The following FNBP1 variants were observed in gnomAD, a reference collection of about 807,000 sequenced individuals.
FNBP1 encodes the protein formin binding protein 1.
A neutral mutation model predicts 90.6 loss-of-function variants in FNBP1; 26 were observed. That is an observed-to-expected ratio of 0.29 (90% CI 0.21 to 0.40). FNBP1 has a LOEUF of 0.40. FNBP1 is among the 10% of genes least tolerant of loss of function. The pLI is 1.00. For missense variants in FNBP1, 635 were observed against 768.0 expected (o/e 0.83, Z 2.05); for synonymous variants, 260 against 265.2 (o/e 0.98, Z 0.19).
chr9:130,036,376 T>A (rs1003155076), intron 1 of FNBP1, among the ~76,000 whole-genome samples: 2 of 152,244 alleles, frequency 1.3e-5, no homozygotes, highest in African/African-American at 4.8e-5. Context: ...TGAGTTGTAA[T>A]GTGTTCACAT....
At position 129,957,425 on chromosome 9, in the gene FNBP1, T is replaced by C. The variant is rs1261338563; in HGVS notation, c.448A>G (p.Arg150Gly). ...RFERDCKEAD[R>G]AQQYFEKMDA... is the part of the protein sequence containing the mutation. ...ATTTTCTCAAAGTACTGCTGCGCCC[T>C]GTCCGCCTCTTTGCAATCGCGTTCA... Residue 150 changes from arginine to glycine, a missense_variant, in exon 6 of 17, where the codon AGG (arginine) becomes GGG (glycine). Physicochemically the swap from Arg to Gly is moderately radical, Grantham distance 125. Transcript: ENST00000446176. This position sits in a 1 kb window ranked among gnomAD's most constrained non-coding sequence, Gnocchi z 4.3. The C allele has an allele frequency of 2.5e-6, 4 of 1,613,794 alleles. No individual in the cohort carries two copies. Among genetic ancestry groups the C allele is most frequent in the Non-Finnish European group, 8.5e-7 (1 of 1,179,814 alleles).
Position 129,893,612 on chromosome 9 carries a change from CAAAAAAAA to C in FNBP1, c.1846+2218_1846+2225del, listed in dbSNP as rs1216398298. Among the ~76,000 whole-genome samples the C allele has an allele frequency of 6.1e-3, 137 of 22,318 alleles. 1 individual carries two copies. Among genetic ancestry groups the C allele is most frequent in the African/African-American group, 0.022 (130 of 5,940 alleles). 14.6% of individuals were successfully genotyped at this position (22,318 alleles called of 152,430 possible). On this transcript the variant is annotated intron_variant, in intron 16 of 16. Transcript: ENST00000446176. The stretch of plus-strand genomic sequence containing the variant: ...TAGGTGACAGAGTGAGACTCTGTCT[CAAAAAAAA>C]AAAAAAAAAAAAAAAAAGCCAGGCA...
the FNBP1 span, chr9:130,053,670 G>C: frequency 1.9e-6 from 1 of 533,744 alleles, no homozygotes; most frequent in East Asian, 3.4e-5. Flanking sequence ...GGCTGGTCTG[G>C]TTCGGCCACC....
chr9:129,898,926 G>T (rs1018257336), intron 15 of FNBP1, among the ~76,000 whole-genome samples: 30 of 151,992 alleles, frequency 2.0e-4, no homozygotes, highest in African/African-American at 7.0e-4. Flanking sequence ...TGGATGAAAT[G>T]ATCATCCTCC....
intron 8 of FNBP1, among the ~76,000 whole-genome samples, chr9:129,926,572 A>G (rs965999956): frequency 1.3e-5 from 2 of 152,050 alleles, no homozygotes; most frequent in Admixed American, 6.6e-5. Context: ...CTGGCCTGAG[A>G]TAATGTCAAA....
At chr9:130,022,434 TGACCTCAGGTGATCCACCCACCTCG>T (rs1194385884) in intron 1 of FNBP1, among the ~76,000 whole-genome samples, 4 of 152,212 alleles carry the variant, frequency 2.6e-5, no homozygotes, top group Non-Finnish European at 4.4e-5. Flanking sequence ...CTTGAACTCC[TGACCTCAGGTGATCCACCCACCTCG>T]GCCTTCCGAA....
In FNBP1 at chr9:129,979,377, G is replaced by T. The variant is rs754901316; in HGVS notation, c.141-3C>A. Reference sequence around the variant, plus strand: ...GTTGGTACTTCTTTGAAAGATTCCTGAAATAAAAATGCAGACATGTCAGCT... The same window carrying T: ...GTTGGTACTTCTTTGAAAGATTCCTTAAATAAAAATGCAGACATGTCAGCT... On this transcript the variant is annotated splice_region_variant and splice_polypyrimidine_tract_variant and intron_variant, in intron 2 of 16. Coordinates refer to ENST00000446176, the MANE Select transcript of FNBP1 (RefSeq NM_015033.3). 1.3e-6 allele frequency: 2 copies of T among 1,593,862 alleles called. No homozygotes were observed. Among genetic ancestry groups the T allele is most frequent in the Admixed American group, 3.4e-5 (2 of 59,272 alleles).
At chr9:130,020,611 T>G (rs2057732160) in intron 1 of FNBP1, among the ~76,000 whole-genome samples, 1 of 152,174 alleles carries the variant, frequency 6.6e-6, no homozygotes. Flanking sequence ...CTTAAACTAC[T>G]TCGCATCAAC....
intron 1 of FNBP1, among the ~76,000 whole-genome samples, chr9:130,040,556 G>A (rs367945200): frequency 3.3e-5 from 5 of 151,178 alleles, no homozygotes; most frequent in Non-Finnish European, 7.4e-5. Context: ...GGGAGGCAGA[G>A]GCTGCAGTGA....
rs750590332 is a variant in FNBP1, at chr9:129,888,878, T to C, written c.*1661A>G. On this transcript the variant is annotated 3_prime_UTR_variant, in exon 17 of 17. Coordinates refer to ENST00000446176, the MANE Select transcript of FNBP1 (RefSeq NM_015033.3). ...CCCTTTGGCTTCTATAGGACTTCCT[T>C]GTCTTAGATTCATAAACAGCAAGAG... is the stretch of plus-strand genomic sequence containing the variant. The C allele has an allele frequency of 3.9e-5, 9 of 232,160 alleles. No individual in the cohort carries two copies. Among genetic ancestry groups the C allele is most frequent in the Non-Finnish European group, 6.0e-5 (7 of 117,424 alleles). The allele number at this position is 232,160 out of a possible 1,614,324, so 14.4% of individuals were successfully genotyped here. A position where few individuals can be genotyped will look rare whatever the true frequency, so the allele number is the denominator to read the frequency against.
At chr9:129,989,732 A>C (rs762948525) in intron 2 of FNBP1, among the ~76,000 whole-genome samples, 11 of 152,176 alleles carry the variant, frequency 7.2e-5, no homozygotes, top group Admixed American at 1.3e-4. Context: ...TCCAGTTAAT[A>C]ACAATGTATT....
chr9:130,005,531 T>C (rs1010188668), intron 1 of FNBP1, among the ~76,000 whole-genome samples: 3 of 151,910 alleles, frequency 2.0e-5, no homozygotes, highest in African/African-American at 4.8e-5. Flanking sequence ...TTAGTAGAGA[T>C]AGGATTTCAC....
intron 4 of FNBP1, among the ~76,000 whole-genome samples, chr9:129,959,814 C>T (rs934699354): frequency 5.3e-5 from 8 of 152,078 alleles, no homozygotes; most frequent in Non-Finnish European, 7.3e-5. Flanking sequence ...CCTGTACCCA[C>T]TAGCCGTCAC....
intron 2 of FNBP1, among the ~76,000 whole-genome samples, chr9:129,990,839 A>G (rs2131209783): frequency 6.6e-6 from 1 of 152,208 alleles, no homozygotes; most frequent in East Asian, 1.9e-4. Context: ...TCCTGGATAA[A>G]TCTGTAGAGA....
At chr9:129,961,100 G>A (rs1382942599) in intron 4 of FNBP1, among the ~76,000 whole-genome samples, 1 of 151,988 alleles carries the variant, frequency 6.6e-6, no homozygotes, top group Non-Finnish European at 1.5e-5. Flanking sequence ...ACCACCAAAG[G>A]TCAGGAGTTC....
At chr9:130,048,094 C>T (rs757999861), upstream of FNBP1, among the ~76,000 whole-genome samples, 6 of 151,480 alleles carry the variant, frequency 4.0e-5, no homozygotes, top group South Asian at 2.1e-4. Flanking sequence ...CCGAGGCAGG[C>T]GGATCGCTTG....
At chr9:129,955,097 G>A (rs2046724293) in intron 6 of FNBP1, among the ~76,000 whole-genome samples, 1 of 151,956 alleles carries the variant, frequency 6.6e-6, no homozygotes, top group Non-Finnish European at 1.5e-5. Flanking sequence ...CAAAACAGAG[G>A]GCATAACCAG....
At chr9:129,996,910 G>T (rs923738261) in intron 1 of FNBP1, among the ~76,000 whole-genome samples, 4 of 152,014 alleles carry the variant, frequency 2.6e-5, no homozygotes, top group Non-Finnish European at 4.4e-5. Context: ...GCCCAGGCTG[G>T]TCTTGAATTC....
chr9:129,926,468 G>A (rs2041926597), intron 8 of FNBP1, among the ~76,000 whole-genome samples: 1 of 152,146 alleles, frequency 6.6e-6, no homozygotes, highest in African/African-American at 2.4e-5. Flanking sequence ...AGACATTTTT[G>A]ATTGTCACAA....
Sources: gnomAD v4.1 joint callset for allele counts (sites outside exome capture counted in the v4.1 genomes callset) on GRCh38, gnomAD v4.1.1 for gene constraint, Gnocchi (gnomAD v3.1) non-coding constraint, MANE v1.5 for transcripts, NCBI Gene and HGNC (gene_info 2026-07-23, HGNC 2026-07-21) for gene names.